Variants in CAMKMT observed in about 807,000 individuals in gnomAD.
The protein encoded by CAMKMT is calmodulin-lysine N-methyltransferase.
CAMKMT carries 53 observed loss-of-function variants against 48.0 expected under a neutral mutation model. That is an observed-to-expected ratio of 1.10 (90% CI 0.89 to 1.39). CAMKMT has a LOEUF of 1.39. Among genes scored for constraint, CAMKMT ranks in the 40% most tolerant of loss-of-function variants. CAMKMT has a pLI of 0.00. For missense variants in CAMKMT, 428 were observed against 402.7 expected, an observed-to-expected ratio of 1.06 and a Z score of -0.54; for synonymous variants, 165 against 152.3, an observed-to-expected ratio of 1.08 and a Z score of -0.61.
chr2:44,674,397 G>A (rs1188985596), intron 3 of CAMKMT, among the ~76,000 whole-genome samples: 2 of 152,146 alleles, frequency 1.3e-5, no homozygotes, highest in East Asian at 1.9e-4. Flanking sequence ...GACCATCTTA[G>A]TATCCAAAAG....
chr2:44,753,885 A>G (rs1445924762), intron 8 of CAMKMT, among the ~76,000 whole-genome samples, 170 bp from the exon 9 acceptor site: 1 of 152,196 alleles, frequency 6.6e-6, no homozygotes, highest in Non-Finnish European at 1.5e-5. Flanking sequence ...ACTGACCACA[A>G]TATCTTCTCC....
chr2:44,549,802 A>C, intron 3 of CAMKMT: 1 of 416,120 alleles, frequency 2.4e-6, no homozygotes, highest in Non-Finnish European at 4.2e-6. Context: ...GAACAAAGAC[A>C]TAGGGGGCTT....
chr2:44,546,670 A>T (rs1667427688), intron 3 of CAMKMT, among the ~76,000 whole-genome samples: 1 of 152,192 alleles, frequency 6.6e-6, no homozygotes, highest in Non-Finnish European at 1.5e-5. Context: ...AGCTGTCAGA[A>T]ATGGGTAGTT....
intron 3 of CAMKMT, among the ~76,000 whole-genome samples, chr2:44,416,797 A>T (rs1572821032): frequency 6.6e-6 from 1 of 150,514 alleles, no homozygotes; most frequent in African/African-American, 2.4e-5. Context: ...CTGGTCTCTA[A>T]CTCCTAACCT....
chr2:44,508,307 G>A (rs1023421142), intron 3 of CAMKMT, among the ~76,000 whole-genome samples: 3 of 152,174 alleles, frequency 2.0e-5, no homozygotes, highest in African/African-American at 7.2e-5. Context: ...GGAAATAGCA[G>A]AGCAAATATC....
At chr2:44,383,729 G>T (rs938049735) in intron 2 of CAMKMT, among the ~76,000 whole-genome samples, 1 of 152,150 alleles carries the variant, frequency 6.6e-6, no homozygotes, top group Non-Finnish European at 1.5e-5. Context: ...AATATATGAT[G>T]TTTGATTTTC....
intron 7 of CAMKMT, among the ~76,000 whole-genome samples, chr2:44,717,174 A>T (rs1678215366): frequency 1.3e-5 from 2 of 151,936 alleles, no homozygotes; most frequent in South Asian, 4.1e-4. Flanking sequence ...TATTGCTCTG[A>T]TATGTACCTG....
At chr2:44,707,565 GT>G (rs993390782) in intron 6 of CAMKMT, 103 bp downstream of exon 6, 6 of 900,352 alleles carry the variant, frequency 6.7e-6, no homozygotes, top group Non-Finnish European at 5.2e-6. Flanking sequence ...TTAAAAGAGA[GT>G]TTCCCCCCTA....
rs530241278 is a variant in CAMKMT, at chr2:44,755,064, T to A, written c.762+946T>A. Among the ~76,000 whole-genome samples, 4 of 152,332 alleles carry A rather than the reference T, an allele frequency of 2.6e-5. No individual in the cohort carries two copies. The South Asian group carries it at 8.3e-4, about 32-fold the overall frequency. On this transcript the variant is annotated intron_variant, in intron 9 of 10. Transcript: ENST00000378494. ...GACCAATACCTTTCAACCTTTCTTT[T>A]ATATCTTTTTTATAACCTTCAGTGG...
At chr2:44,707,855 T>G (rs1388667872) in intron 6 of CAMKMT, among the ~76,000 whole-genome samples, 1 of 152,234 alleles carries the variant, frequency 6.6e-6, no homozygotes, top group Non-Finnish European at 1.5e-5. Context: ...TCATGTTTGT[T>G]ATTACATTTA....
rs938313042 is a variant in CAMKMT, at chr2:44,703,766, G to T, written c.377-517G>T. ...GCACTCCAGCCTGGCGACAGAGCAAGACTCTAAAAAAAAAAAAAAAAAAAA... is the reference window on the plus strand; with the variant it reads ...GCACTCCAGCCTGGCGACAGAGCAATACTCTAAAAAAAAAAAAAAAAAAAA... On this transcript the variant is annotated intron_variant, in intron 3 of 10. Coordinates refer to ENST00000378494, the MANE Select transcript of CAMKMT (RefSeq NM_024766.5). Among the ~76,000 whole-genome samples the T allele has an allele frequency of 1.4e-4, 13 of 92,808 alleles. No homozygotes were observed. The Admixed American group carries it at 1.5e-3, about 11-fold the overall frequency. 60.9% of individuals were successfully genotyped at this position (92,808 alleles called of 152,430 possible).
In CAMKMT at chr2:44,552,812, G is replaced by A. The variant is rs114241291; in HGVS notation, c.377-151471G>A. ...CATCAAGCTAGCCTCTTACCATTGG[G>A]CTATTTACTTTATTTATTTATTCAG... On this transcript the variant is annotated intron_variant, in intron 3 of 10. Coordinates refer to ENST00000378494, the MANE Select transcript of CAMKMT (RefSeq NM_024766.5). Among the ~76,000 whole-genome samples the A allele has an allele frequency of 5.1e-3, 783 of 152,248 alleles. 3 individuals are homozygous for A. Among genetic ancestry groups the A allele is most frequent in the African/African-American group, 0.018 (754 of 41,540 alleles).
intron 3 of CAMKMT, among the ~76,000 whole-genome samples, chr2:44,646,826 CT>C (rs1673759942): frequency 6.6e-6 from 1 of 152,044 alleles, no homozygotes; most frequent in African/African-American, 2.4e-5. Flanking sequence ...TATATTAGTG[CT>C]TTTTAAAGAG....
Position 44,687,712 on chromosome 2 carries a change from T to G in CAMKMT, c.377-16571T>G, listed in dbSNP as rs561571518. On this transcript the variant is annotated intron_variant, in intron 3 of 10. Coordinates refer to ENST00000378494, the MANE Select transcript of CAMKMT (RefSeq NM_024766.5). ...TGTTAAAATTAAACCAGGGATTGGT[T>G]TTGAGCGAATAGCCCTATATCCTTA... 8.6e-4 allele frequency among the ~76,000 whole-genome samples: 131 copies of G among 152,388 alleles called. 3 individuals carry two copies. In the South Asian group the frequency reaches 0.026, roughly 30 times the overall value.
chr2:44,591,569 G>C (rs1255881452), intron 3 of CAMKMT, among the ~76,000 whole-genome samples: 4 of 152,164 alleles, frequency 2.6e-5, no homozygotes, highest in Admixed American at 2.0e-4. Flanking sequence ...TGTTATTGGT[G>C]CTGGAGAGGA....
At chr2:44,416,515 A>G (rs1683560992) in intron 3 of CAMKMT, among the ~76,000 whole-genome samples, 2 of 151,904 alleles carry the variant, frequency 1.3e-5, no homozygotes, top group South Asian at 2.1e-4. Context: ...GTTTCATATA[A>G]ATGCATTCTT....
intron 3 of CAMKMT, among the ~76,000 whole-genome samples, chr2:44,660,317 T>G (rs1011459207): frequency 6.6e-6 from 1 of 152,206 alleles, no homozygotes; most frequent in Non-Finnish European, 1.5e-5. Flanking sequence ...TCATTACTAT[T>G]ATTATCGTTA....
chr2:44,535,571 A>G (rs115365271), intron 3 of CAMKMT, among the ~76,000 whole-genome samples: 1 of 152,348 alleles, frequency 6.6e-6, no homozygotes, highest in African/African-American at 2.4e-5. Context: ...CAGGGATGCA[A>G]AGATTGCTCA....
intron 6 of CAMKMT, among the ~76,000 whole-genome samples, chr2:44,711,288 C>T (rs1470569976): frequency 6.6e-6 from 1 of 151,978 alleles, no homozygotes; most frequent in Non-Finnish European, 1.5e-5. Context: ...TTAATTCAAC[C>T]AATATTAATG....
Sources: gnomAD v4.1 joint callset for allele counts (sites outside exome capture counted in the v4.1 genomes callset) on GRCh38, gnomAD v4.1.1 for gene constraint, MANE v1.5 for transcripts, NCBI Gene and HGNC (gene_info 2026-07-23, HGNC 2026-07-21) for gene names.